The following PARP1 variants were observed in gnomAD, a reference collection of about 807,000 sequenced individuals.
The protein encoded by PARP1 is poly(ADP-ribose) polymerase 1.
A neutral mutation model predicts 118.7 loss-of-function variants in PARP1; 44 were observed. That is an observed-to-expected ratio of 0.37 (90% confidence interval 0.29 to 0.48). PARP1 has a LOEUF of 0.48. Among genes scored for constraint, PARP1 ranks in the 20% least tolerant of loss-of-function variants. The pLI is 0.99. For missense variants in PARP1, 1,100 were observed against 1,272.4 expected (o/e 0.86, Z 2.06); for synonymous variants, 492 against 483.2 (o/e 1.02, Z -0.24).
At chr1:226,383,236 C>G in intron 7 of PARP1, 53 bp from the exon 8 acceptor site, 1 of 1,413,482 alleles carries the variant, frequency 7.1e-7, no homozygotes, top group Non-Finnish European at 1.0e-6. Flanking sequence ...GAGGTAACCA[C>G]CCCATAGACC....
At chr1:226,402,403 A>G in intron 1 of PARP1, 24 bp from the exon 2 acceptor site, 1 of 1,605,176 alleles carries the variant, frequency 6.2e-7, no homozygotes, top group African/African-American at 1.3e-5. Context: ...AAACAGAGGG[A>G]AGTAAGTAAG....
At chr1:226,387,868 C>G (rs1183561251) in intron 5 of PARP1, among the ~76,000 whole-genome samples, 1 of 152,214 alleles carries the variant, frequency 6.6e-6, no homozygotes, top group Non-Finnish European at 1.5e-5. Flanking sequence ...TGGTGCATGA[C>G]AGACACTTTT....
Position 226,392,286 on chromosome 1 carries a change from C to T in PARP1, c.315G>A (p.Lys105=), listed in dbSNP as rs1664835248. The T allele has an allele frequency of 3.7e-6, 6 of 1,614,016 alleles. No homozygotes were observed. Among genetic ancestry groups the T allele is most frequent in the Non-Finnish European group, 5.1e-6 (6 of 1,179,936 alleles). ...CAAAGTCACCCAGAGTCTTCTCTGC[C>T]TTGCTACCAATTCCATCCTGGCCTT... The part of the protein sequence containing the change: ...TGKGQDGIGS[K]AEKTLGDFAA... Residue 105 remains lysine (K), a synonymous_variant, in exon 3 of 23, where the codon AAG becomes AAA. Transcript: ENST00000366794.
At chr1:226,388,032 G>A (rs949369390) in intron 5 of PARP1, among the ~76,000 whole-genome samples, 1 of 152,206 alleles carries the variant, frequency 6.6e-6, no homozygotes, top group African/African-American at 2.4e-5. Flanking sequence ...TCTCAAGAGA[G>A]ACCAACTGTT....
In PARP1 at chr1:226,377,218, T is replaced by C. The variant is rs757112928; in HGVS notation, c.1831A>G (p.Ile611Val). 3.3e-5 allele frequency: 53 copies of C among 1,614,130 alleles called. No individual in the cohort carries two copies. In the East Asian group the frequency reaches 7.8e-4, roughly 24 times the overall value. Reference protein sequence around the residue: ...LEQMPSKEDAIEHFMKLYEEK... With the variant: ...LEQMPSKEDAVEHFMKLYEEK... ...TCATATAATTTCATGAAGTGCTCAA[T>C]GGCATCCTCCTTGGACGGCATCTGT... The change falls in exon 13 of 23, where the codon ATT becomes GTT. Residue 611 changes from isoleucine to valine, a missense_variant. By Grantham distance (29) the Ile-to-Val change is conservative. Coordinates refer to ENST00000366794, the MANE Select transcript of PARP1 (RefSeq NM_001618.4).
intron 12 of PARP1, 94 bp downstream of exon 12, chr1:226,379,048 G>A: frequency 1.4e-6 from 2 of 1,448,944 alleles, no homozygotes; most frequent in South Asian, 1.1e-5. Flanking sequence ...CAGGCACTGG[G>A]CCTAACGGGT....
At position 226,371,516 on chromosome 1, in the gene PARP1, TG is replaced by T. The variant is rs149167133; in HGVS notation, c.2071-1000del. On this transcript the variant is annotated intron_variant, in intron 14 of 22. Coordinates refer to ENST00000366794, the MANE Select transcript of PARP1 (RefSeq NM_001618.4). ...CTAATAACATCCACAAGCCCTGGCA[TG>T]GGCTTCCCTGTACCCTCAACACTGC... Among the ~76,000 whole-genome samples the T allele has an allele frequency of 2.4e-4, 36 of 152,332 alleles. No homozygotes were observed. In the East Asian group the frequency reaches 6.7e-3, roughly 29 times the overall value.
At chr1:226,361,933 C>G (rs1664147794) in intron 22 of PARP1, 36 bp downstream of exon 22, 1 of 1,247,184 alleles carries the variant, frequency 8.0e-7, no homozygotes, top group African/African-American at 1.5e-5. Context: ...CGAGAACATC[C>G]CTTTGTGCTC....
rs568655237 is a variant in PARP1 at position 226,372,776 on chromosome 1, G to C, written c.2070+1450C>G. Reference sequence around the variant, plus strand: ...TAGCTGAGAACGTCTATGAATCACAGATAGACCAAGGTGTGGGAGACTGGA... The same window carrying C: ...TAGCTGAGAACGTCTATGAATCACACATAGACCAAGGTGTGGGAGACTGGA... On this transcript the variant is annotated intron_variant, in intron 14 of 22. Transcript: ENST00000366794. 1.3e-3 allele frequency among the ~76,000 whole-genome samples: 202 copies of C among 152,308 alleles called. 1 individual carries two copies. Among genetic ancestry groups the C allele is most frequent in the African/African-American group, 4.7e-3 (196 of 41,564 alleles).
chr1:226,398,585 T>C (rs934657552), intron 2 of PARP1, among the ~76,000 whole-genome samples: 1 of 148,744 alleles, frequency 6.7e-6, no homozygotes, highest in Non-Finnish European at 1.5e-5. Context: ...ACCAAAGATA[T>C]ACAGATGGTA....
At chr1:226,385,715 T>C in intron 6 of PARP1, 35 bp from the exon 7 acceptor site, 3 of 1,590,176 alleles carry the variant, frequency 1.9e-6, no homozygotes, top group East Asian at 2.2e-5. Context: ...AGAGGGCAAA[T>C]GCGGGACTAC....
intron 4 of PARP1, among the ~76,000 whole-genome samples, chr1:226,389,248 T>C (rs915479440): frequency 6.6e-6 from 1 of 151,922 alleles, no homozygotes; most frequent in Non-Finnish European, 1.5e-5. Flanking sequence ...CTCACAGAGG[T>C]GGGGCTGTAC....
intron 1 of PARP1, 61 bp from the exon 2 acceptor site, chr1:226,402,440 A>AGACCTT (rs768930309): frequency 1.3e-4 from 203 of 1,530,810 alleles, no homozygotes; most frequent in Middle Eastern, 1.7e-4. Context: ...TAGACCCACT[A>AGACCTT]GACCTTGACC....
chr1:226,377,078 G>A, intron 13 of PARP1, 30 bp downstream of exon 13: 1 of 1,580,786 alleles, frequency 6.3e-7, no homozygotes, highest in Non-Finnish European at 8.7e-7. Context: ...TTTCCTAGAA[G>A]CAGACAGTGT....
At chr1:226,381,816 G>A (rs1350527264) in intron 8 of PARP1, among the ~76,000 whole-genome samples, 3 of 152,170 alleles carry the variant, frequency 2.0e-5, no homozygotes, top group Admixed American at 6.5e-5. Flanking sequence ...GGTGACACCC[G>A]TCCAGAACTG....
In PARP1 at chr1:226,393,127, T is replaced by C. The variant is rs967845628; in HGVS notation, c.287-813A>G. The C allele has an allele frequency of 1.0e-5, 8 of 770,844 alleles. No homozygotes were observed. The African/African-American group carries it at 1.5e-4, about 14-fold the overall frequency. 47.8% of individuals were successfully genotyped at this position (770,844 alleles called of 1,614,324 possible). ...CTATTTTAAAACCTACTAAATTAAG[T>C]GAATTTAGCAAATACGCAGGGCACA... is the stretch of plus-strand genomic sequence containing the variant. On this transcript the variant is annotated intron_variant, in intron 2 of 22. Transcript: ENST00000366794.
At chr1:226,392,746 A>G in intron 2 of PARP1, 1 of 575,658 alleles carries the variant, frequency 1.7e-6, no homozygotes, top group Non-Finnish European at 3.0e-6. Flanking sequence ...TATAAGTCAG[A>G]CACAAGTATA....
At chr1:226,404,674 A>G (rs996851501) in intron 1 of PARP1, among the ~76,000 whole-genome samples, 2 of 152,248 alleles carry the variant, frequency 1.3e-5, no homozygotes, top group Non-Finnish European at 2.9e-5. Context: ...TAAACTCAGG[A>G]CTGAGAATGA....
intron 5 of PARP1, among the ~76,000 whole-genome samples, chr1:226,387,317 G>T (rs995872852): frequency 6.6e-6 from 1 of 152,120 alleles, no homozygotes; most frequent in African/African-American, 2.4e-5. Context: ...AATCAAGCTT[G>T]CTGAGGAAGC....
Sources: gnomAD v4.1 joint callset for allele counts (sites outside exome capture counted in the v4.1 genomes callset) on GRCh38, gnomAD v4.1.1 for gene constraint, MANE v1.5 for transcripts, NCBI Gene and HGNC (gene_info 2026-07-23, HGNC 2026-07-21) for gene names.